The following FRMPD4 variants were observed in gnomAD, a reference collection of about 807,000 sequenced individuals.
FRMPD4 encodes the protein FERM and PDZ domain containing 4.
A neutral mutation model predicts 94.1 loss-of-function variants in FRMPD4; 22 were observed. The ratio of observed to expected loss-of-function variants is 0.23; its 90% CI spans 0.17 to 0.33. FRMPD4 has a LOEUF of 0.33. Ranked by LOEUF, FRMPD4 falls within the 10% of genes least tolerant of loss-of-function variation. The pLI is 1.00. For missense variants in FRMPD4, 1,111 were observed against 1,339.9 expected (o/e 0.83, Z 2.67); for synonymous variants, 631 against 548.6 (o/e 1.15, Z -2.10).
At chrX:12,522,546 C>T (rs1453615913) in intron 2 of FRMPD4, among the ~76,000 whole-genome samples, 2 of 109,306 alleles carry the variant, frequency 1.8e-5, no homozygotes, top group African/African-American at 6.7e-5. Flanking sequence ...TTATAAACTC[C>T]AGAACTTTAT....
intron 3 of FRMPD4, among the ~76,000 whole-genome samples, chrX:12,124,048 C>T (rs1207677576): frequency 2.7e-5 from 3 of 111,450 alleles, no homozygotes; most frequent in African/African-American, 9.8e-5. Flanking sequence ...GTTCCTGGTA[C>T]ATCTCATGAC....
At chrX:12,602,960 T>C (rs1459476339) in intron 2 of FRMPD4, among the ~76,000 whole-genome samples, 1 of 112,048 alleles carries the variant, frequency 8.9e-6, no homozygotes, top group African/African-American at 3.2e-5. Context: ...AGTGGGAAGG[T>C]ACTGGAAAGG....
intron 3 of FRMPD4, among the ~76,000 whole-genome samples, chrX:11,935,397 T>C (rs2054153002): frequency 4.5e-5 from 1 of 21,997 alleles, no homozygotes; most frequent in Admixed American, 5.8e-4. Context: ...ATGTGTCATC[T>C]AGCATTAGGT....
chrX:11,858,341 G>C (rs2053664647), intron 1 of FRMPD4, among the ~76,000 whole-genome samples: 1 of 111,914 alleles, frequency 8.9e-6, no homozygotes, highest in African/African-American at 3.3e-5. Context: ...AGAAAATGTG[G>C]TGCATATACA....
At chrX:11,839,574 A>G (rs5933924) in intron 1 of FRMPD4, among the ~76,000 whole-genome samples, 26,131 of 110,048 alleles carry the variant, frequency 0.24, 2,331 homozygotes, top group Middle Eastern at 0.3. Context: ...GTGTCTTTGA[A>G]GTGAAAAATA....
intron 1 of FRMPD4, among the ~76,000 whole-genome samples, chrX:12,467,456 CTGAT>C (rs969753640): frequency 1.8e-5 from 2 of 112,183 alleles, no homozygotes; most frequent in East Asian, 2.8e-4. Context: ...GTAGACCACT[CTGAT>C]TGACATTTTA....
chrX:12,282,040 T>C (rs1393498129), intron 1 of FRMPD4, among the ~76,000 whole-genome samples: 1 of 112,470 alleles, frequency 8.9e-6, no homozygotes. Context: ...AGACTATTGA[T>C]ACAAATTTAA....
At chrX:12,346,996 A>C (rs1040618207) in intron 1 of FRMPD4, among the ~76,000 whole-genome samples, 1 of 111,239 alleles carries the variant, frequency 9.0e-6, no homozygotes, top group Non-Finnish European at 1.9e-5. Context: ...TGTGCACTTA[A>C]TTGGGGTAGG....
intron 1 of FRMPD4, among the ~76,000 whole-genome samples, chrX:12,495,523 G>T (rs1035429297): frequency 4.5e-5 from 5 of 111,095 alleles, no homozygotes; most frequent in Non-Finnish European, 1.9e-5. Context: ...TTGTGTGGAA[G>T]CTTGTTAAAC....
At chrX:12,197,179 T>C (rs1455996945) in intron 1 of FRMPD4, among the ~76,000 whole-genome samples, 3 of 111,181 alleles carry the variant, frequency 2.7e-5, no homozygotes, top group African/African-American at 6.5e-5. Flanking sequence ...TTTGCCGAGA[T>C]AGGCCTTGGG....
At chrX:12,579,652 A>T (rs1569347419) in intron 2 of FRMPD4, among the ~76,000 whole-genome samples, 1 of 111,373 alleles carries the variant, frequency 9.0e-6, no homozygotes, top group East Asian at 2.8e-4. Context: ...AAACCCATAG[A>T]TTTTTTTTAG....
upstream of FRMPD4, among the ~76,000 whole-genome samples, chrX:12,136,101 A>G (rs1183304572): frequency 1.8e-5 from 2 of 111,734 alleles, no homozygotes; most frequent in East Asian, 5.6e-4. Context: ...AGACAGATGT[A>G]AGCCACGAAG....
intron 1 of FRMPD4, among the ~76,000 whole-genome samples, chrX:11,840,940 T>C (rs984216488): frequency 3.3e-5 from 3 of 89,854 alleles, no homozygotes; most frequent in Non-Finnish European, 6.3e-5. Context: ...TTCCATTTCC[T>C]GTGTCCATGT....
chrX:12,025,173 T>G (rs2054652519), intron 3 of FRMPD4, among the ~76,000 whole-genome samples: 1 of 110,304 alleles, frequency 9.1e-6, no homozygotes, highest in African/African-American at 3.3e-5. Flanking sequence ...AATTCCCCAC[T>G]CTTGGTCTTG....
At chrX:11,855,939 A>G (rs955973442) in intron 1 of FRMPD4, among the ~76,000 whole-genome samples, 1 of 111,846 alleles carries the variant, frequency 8.9e-6, no homozygotes, top group African/African-American at 3.3e-5. Flanking sequence ...TAACTGTATT[A>G]GTCTGTTCGT....
chrX:12,590,729 C>T (rs2058974460), intron 2 of FRMPD4, among the ~76,000 whole-genome samples: 1 of 111,483 alleles, frequency 9.0e-6, no homozygotes, highest in African/African-American at 3.3e-5. Context: ...GTTCAGAATC[C>T]AGTAGTATTC....
At chrX:12,670,209 C>T (rs2059825245) in intron 4 of FRMPD4, among the ~76,000 whole-genome samples, 1 of 112,156 alleles carries the variant, frequency 8.9e-6, no homozygotes, top group Non-Finnish European at 1.9e-5. Flanking sequence ...GACAATTATC[C>T]CTCATTCTCT....
At chrX:12,527,056 C>A (rs1437891340) in intron 2 of FRMPD4, among the ~76,000 whole-genome samples, 1 of 111,745 alleles carries the variant, frequency 8.9e-6, no homozygotes, top group Non-Finnish European at 1.9e-5. Flanking sequence ...TATCATATAA[C>A]CAAATCAAAT....
chrX:12,678,724 C>G (rs1363483221), intron 5 of FRMPD4, among the ~76,000 whole-genome samples: 1 of 112,206 alleles, frequency 8.9e-6, no homozygotes, highest in Non-Finnish European at 1.9e-5. Flanking sequence ...ACTAGGGAGG[C>G]TGAGGCAGGA....
Sources: allele counts gnomAD v4.1 joint callset (sites outside exome capture counted in the v4.1 genomes callset), GRCh38; gene constraint gnomAD v4.1.1; transcripts MANE v1.5; gene names NCBI Gene and HGNC (gene_info 2026-07-23, HGNC 2026-07-21).